Variants in SH2D4B observed in about 807,000 individuals in gnomAD.
SH2D4B encodes SH2 domain-containing protein 4B.
In SH2D4B, 45 loss-of-function variants were observed where a neutral mutation model predicts 61.5. The observed-to-expected ratio is 0.73, with a 90% CI of 0.58 to 0.94. SH2D4B has a LOEUF of 0.94. Among genes scored for constraint, SH2D4B ranks in the 40% least tolerant of loss-of-function variants. The pLI is 0.00. For synonymous variants in SH2D4B, 224 were observed against 220.4 expected, an observed-to-expected ratio of 1.02 and a Z score of -0.14; for missense variants, 572 against 574.2, an observed-to-expected ratio of 1.00 and a Z score of 0.04.
At chr10:80,575,808 A>G (rs1053299188) in intron 3 of SH2D4B, among the ~76,000 whole-genome samples, 7 of 152,144 alleles carry the variant, frequency 4.6e-5, no homozygotes, top group African/African-American at 1.4e-4. Context: ...TGCATCTCCT[A>G]TGAAGAAGGG....
At chr10:80,573,991 C>A (rs1202031895) in intron 3 of SH2D4B, among the ~76,000 whole-genome samples, 1 of 152,236 alleles carries the variant, frequency 6.6e-6, no homozygotes, top group East Asian at 1.9e-4. Flanking sequence ...TTCAAAGGTT[C>A]TTTTTGTCTT....
rs58963330 is a variant in SH2D4B at position 80,560,693 on chromosome 10, CTTTT to C, written c.185-9436_185-9433del. Among the ~76,000 whole-genome samples the C allele has an allele frequency of 9.4e-3, 555 of 58,860 alleles. 6 individuals are homozygous for C. Among genetic ancestry groups the C allele is most frequent in the African/African-American group, 0.038 (514 of 13,438 alleles). 38.6% of individuals were successfully genotyped at this position (58,860 alleles called of 152,430 possible). On this transcript the variant is annotated intron_variant, in intron 1 of 7. Transcript: ENST00000646907. Reference sequence around the variant, plus strand: ...GCCTGAACCACCGTTCCTGGCCAAGCTTTTTTTTTTTTTTTTTTTTTTTTTTTTA... The same window carrying C: ...GCCTGAACCACCGTTCCTGGCCAAGCTTTTTTTTTTTTTTTTTTTTTTTTA...
intron 5 of SH2D4B, 143 bp downstream of exon 5, chr10:80,603,938 C>G: frequency 4.3e-6 from 3 of 702,916 alleles, no homozygotes; most frequent in Non-Finnish European, 2.3e-6. Context: ...CAGCCCTAGT[C>G]TAGGGTAGGA....
intron 4 of SH2D4B, among the ~76,000 whole-genome samples, chr10:80,599,157 G>A (rs967055024): frequency 6.6e-6 from 1 of 152,114 alleles, no homozygotes; most frequent in Non-Finnish European, 1.5e-5. Flanking sequence ...CAGAGTCGGG[G>A]TCAGTGATAC....
chr10:80,577,505 C>A (rs1185249209), intron 3 of SH2D4B, among the ~76,000 whole-genome samples: 1 of 151,566 alleles, frequency 6.6e-6, no homozygotes, highest in Non-Finnish European at 1.5e-5. Context: ...CAGCTCACTG[C>A]AAGCTCCACC....
At chr10:80,617,936 T>A (rs1327655204) in intron 6 of SH2D4B, among the ~76,000 whole-genome samples, 1 of 152,234 alleles carries the variant, frequency 6.6e-6, no homozygotes, top group Non-Finnish European at 1.5e-5. Context: ...GTTGGTCATA[T>A]GTTCACTTCT....
At chr10:80,553,475 C>T (rs1589332522) in intron 1 of SH2D4B, among the ~76,000 whole-genome samples, 1 of 152,312 alleles carries the variant, frequency 6.6e-6, no homozygotes, top group East Asian at 1.9e-4. Context: ...GAACAAATTG[C>T]AGACAGGGAA....
At chr10:80,596,849 G>A (rs1480383951) in intron 4 of SH2D4B, among the ~76,000 whole-genome samples, 1 of 152,144 alleles carries the variant, frequency 6.6e-6, no homozygotes, top group African/African-American at 2.4e-5. Context: ...CTGCCGCTTG[G>A]GGGAGATGCT....
chr10:80,629,036 A>AAAAAAAAAAAAAG (rs142895629), intron 6 of SH2D4B, among the ~76,000 whole-genome samples: 8,172 of 144,210 alleles, frequency 0.057, 495 homozygotes, highest in African/African-American at 0.15. Context: ...TCTCAAAAAA[A>AAAAAAAAAAAAAG]AAAAAGAAAA....
intron 1 of SH2D4B, among the ~76,000 whole-genome samples, chr10:80,557,767 A>G (rs1841857131): frequency 6.6e-6 from 1 of 152,086 alleles, no homozygotes; most frequent in Admixed American, 6.5e-5. Context: ...CAATTTCGCC[A>G]GTGGCTTCAA....
At chr10:80,587,573 C>T (rs999375944) in intron 3 of SH2D4B, among the ~76,000 whole-genome samples, 1 of 152,142 alleles carries the variant, frequency 6.6e-6, no homozygotes, top group East Asian at 1.9e-4. Flanking sequence ...GCCACGACGC[C>T]CAGCTTTTTT....
chr10:80,607,116 C>T (rs1279737060), intron 5 of SH2D4B, among the ~76,000 whole-genome samples: 2 of 152,052 alleles, frequency 1.3e-5, no homozygotes, highest in Non-Finnish European at 2.9e-5. Flanking sequence ...GAGTCAGATT[C>T]CCTGCTTAGA....
chr10:80,608,000 G>A lies in SH2D4B; in HGVS notation c.861-1424G>A, dbSNP rs574373038. ...CAACCTCCGCCTCCTGGGTTCAAGC[G>A]ATTCTCCCGCCTCAGCCTCTTGAGT... On this transcript the variant is annotated intron_variant, in intron 5 of 7. Transcript: ENST00000646907. Among the ~76,000 whole-genome samples the A allele has an allele frequency of 3.3e-5, 5 of 152,270 alleles. No individual in the cohort carries two copies. The East Asian group carries it at 5.8e-4, about 18-fold the overall frequency.
rs548005265 is a variant in SH2D4B, at chr10:80,609,555, G to A, written c.988+4G>A. On this transcript the variant is annotated splice_donor_region_variant and intron_variant, in intron 6 of 7. Transcript: ENST00000646907. ...TTCATCGCCCCCTGGTTCCATGGTA[G>A]CACCATTTTTCTGGGCCCTGTGCCA... 16 of 1,613,778 alleles carry A rather than the reference G, an allele frequency of 9.9e-6. No homozygotes were observed. In the Admixed American group the frequency reaches 1.3e-4, roughly 13 times the overall value.
chr10:80,577,720 C>T (rs1465126408), intron 3 of SH2D4B, among the ~76,000 whole-genome samples: 4 of 151,524 alleles, frequency 2.6e-5, no homozygotes, highest in African/African-American at 9.8e-5. Flanking sequence ...GCCACAGCGC[C>T]CGGCCTTTTT....
At chr10:80,552,975 G>A (rs1241202483) in intron 1 of SH2D4B, among the ~76,000 whole-genome samples, 1 of 151,938 alleles carries the variant, frequency 6.6e-6, no homozygotes, top group Admixed American at 6.6e-5. Context: ...GAGTACAATG[G>A]CACGATCTTG....
chr10:80,565,690 C>A (rs1841957204), intron 1 of SH2D4B, among the ~76,000 whole-genome samples: 1 of 152,186 alleles, frequency 6.6e-6, no homozygotes, highest in Non-Finnish European at 1.5e-5. Flanking sequence ...CTATCTTTTG[C>A]CTCCCCATCC....
intron 3 of SH2D4B, among the ~76,000 whole-genome samples, chr10:80,577,453 G>A (rs1277467502): frequency 6.7e-6 from 1 of 150,118 alleles, no homozygotes; most frequent in Non-Finnish European, 1.5e-5. Context: ...TTGAGACGGA[G>A]TCTCGCTCTG....
chr10:80,571,650 G>A, intron 3 of SH2D4B, 72 bp downstream of exon 3: 2 of 1,573,200 alleles, frequency 1.3e-6, no homozygotes, highest in Non-Finnish European at 1.7e-6. Flanking sequence ...CTGACCTCTG[G>A]TTTGGATCAA....
Sources: gnomAD v4.1 joint callset for allele counts (sites outside exome capture counted in the v4.1 genomes callset) on GRCh38, gnomAD v4.1.1 for gene constraint, MANE v1.5 for transcripts, NCBI Gene and HGNC (gene_info 2026-07-23, HGNC 2026-07-21) for gene names.